Variants in TOR1AIP1 observed in about 807,000 individuals in gnomAD.
TOR1AIP1 encodes the protein torsin-1A-interacting protein 1.
A neutral mutation model predicts 63.3 loss-of-function variants in TOR1AIP1; 54 were observed. The observed-to-expected ratio is 0.85, with a 90% CI of 0.69 to 1.07. TOR1AIP1 has a LOEUF of 1.07. Among genes scored for constraint, TOR1AIP1 ranks in the 50% least tolerant of loss-of-function variants. TOR1AIP1 has a pLI of 0.00. For synonymous variants in TOR1AIP1, 294 were observed against 273.5 expected (o/e 1.07, Z -0.74); for missense variants, 736 against 715.0 (o/e 1.03, Z -0.33).
chr1:179,907,607 ATATATATATATGTATATATATG>A (rs1457283227), intron 6 of TOR1AIP1, among the ~76,000 whole-genome samples, 194 bp from the exon 7 acceptor site: 1 of 23,100 alleles, frequency 4.3e-5, no homozygotes, highest in Non-Finnish European at 1.1e-4. Context: ...ATATATATAT[ATATATATATATGTATATATATG>A]TATATATATA....
chr1:179,884,608 A>G (rs1171179969), intron 1 of TOR1AIP1, 84 bp from the exon 2 acceptor site: 2 of 1,172,702 alleles, frequency 1.7e-6, no homozygotes, highest in African/African-American at 1.6e-5. Flanking sequence ...TTGCTTATGT[A>G]TTGTTACAAA....
chr1:179,889,196 A>T (rs978554186), intron 2 of TOR1AIP1, 117 bp from the exon 3 acceptor site: 20 of 679,102 alleles, frequency 2.9e-5, no homozygotes, highest in Admixed American at 1.2e-4. Flanking sequence ...CTACTTCTCT[A>T]GCGTAAATAA....
intron 9 of TOR1AIP1, among the ~76,000 whole-genome samples, chr1:179,917,178 C>T (rs1649046852): frequency 6.6e-6 from 1 of 151,988 alleles, no homozygotes; most frequent in Admixed American, 6.6e-5. Context: ...TTGTTTATGC[C>T]ATTTCATATG....
rs1266408949 is a variant in TOR1AIP1 at position 179,907,833 on chromosome 1, C to G, written c.807C>G (p.Phe269Leu). The change falls in exon 7 of 10, where the codon TTC becomes TTG. Residue 269 changes from phenylalanine to leucine, a missense_variant. By Grantham distance (22) the Phe-to-Leu change is conservative. This residue lies in a region of TOR1AIP1 where 464 missense variants were observed against 371.0 expected (regional missense o/e 1.25). Transcript: ENST00000606911. ...TGTTTTCTGTTTCAGGTCAAAACTT[C>G]ACAGCTCATGATAAGCAACCTTCAG... ...SFWQSSQSQNFTAHDKQPSVL... is the reference protein window; with the variant it reads ...SFWQSSQSQNLTAHDKQPSVL... The G allele has an allele frequency of 6.3e-7, 1 of 1,585,678 alleles. No individual in the cohort carries two copies. Among genetic ancestry groups the G allele is most frequent in the South Asian group, 1.1e-5 (1 of 87,486 alleles).
At chr1:179,909,515 A>G (rs769588076) in intron 8 of TOR1AIP1, among the ~76,000 whole-genome samples, 5 of 151,990 alleles carry the variant, frequency 3.3e-5, no homozygotes, top group Non-Finnish European at 7.4e-5. Flanking sequence ...GGTTCAAGCA[A>G]TTCTCCTGCC....
chr1:179,886,519 C>T (rs927785369), intron 2 of TOR1AIP1, among the ~76,000 whole-genome samples: 3 of 152,098 alleles, frequency 2.0e-5, no homozygotes, highest in Non-Finnish European at 4.4e-5. Flanking sequence ...TGAGATAGTA[C>T]ATTTGAAATC....
At position 179,901,992 on chromosome 1, in the gene TOR1AIP1, C is replaced by T. The variant is rs190677804; in HGVS notation, c.739+604C>T. ...TAGTCCTGCACTTTCCCTTCACCAC[C>T]TCCTTAAAATTTCTGTAATTCCAAT... is the stretch of plus-strand genomic sequence containing the variant. On this transcript the variant is annotated intron_variant, in intron 5 of 9. Coordinates refer to ENST00000606911, the MANE Select transcript of TOR1AIP1 (RefSeq NM_015602.4). Among the ~76,000 whole-genome samples the T allele has an allele frequency of 4.6e-5, 7 of 151,024 alleles. No individual in the cohort carries two copies. In the East Asian group the frequency reaches 1.4e-3, roughly 29 times the overall value.
intron 6 of TOR1AIP1, among the ~76,000 whole-genome samples, chr1:179,905,058 C>T (rs1648585460): frequency 6.6e-6 from 1 of 151,526 alleles, no homozygotes; most frequent in South Asian, 2.1e-4. Flanking sequence ...TTTTTTCTTC[C>T]ACATTACTTT....
In TOR1AIP1 at chr1:179,884,767, CAGGTAAGAAT is replaced by C. The variant is rs750028739; in HGVS notation, c.553+1_553+10del. 13 of 1,605,658 alleles carry C rather than the reference CAGGTAAGAAT, an allele frequency of 8.1e-6. No individual in the cohort carries two copies. The highest frequency in any genetic ancestry group is 1.3e-5 in the African/African-American group (1 of 74,344). ...ACTGTCAGGAGCATACAAGAGGCTC[CAGGTAAGAAT>C]AGTTAACTTTTTGTTTTTCTCCTTA... is the stretch of plus-strand genomic sequence containing the variant. On this transcript the variant is annotated splice_donor_variant and splice_donor_5th_base_variant and coding_sequence_variant and intron_variant, in exon 2 of 10. Coordinates refer to ENST00000606911, the MANE Select transcript of TOR1AIP1 (RefSeq NM_015602.4). LOFTEE classifies it high-confidence loss of function.
At chr1:179,916,290 C>G (rs547182014) in intron 9 of TOR1AIP1, among the ~76,000 whole-genome samples, 1 of 152,302 alleles carries the variant, frequency 6.6e-6, no homozygotes, top group East Asian at 1.9e-4. Flanking sequence ...AGGTGAAAGT[C>G]AAATAACATC....
chr1:179,914,743 G>A (rs1371913244), intron 9 of TOR1AIP1, among the ~76,000 whole-genome samples: 3 of 151,182 alleles, frequency 2.0e-5, no homozygotes, highest in East Asian at 3.9e-4. Context: ...GCAGTGAGCC[G>A]AGATTGTGCC....
chr1:179,882,896 C>G lies in TOR1AIP1; in HGVS notation c.394C>G (p.Gln132Glu), dbSNP rs1364360813. The change falls in exon 1 of 10, where the codon CAG becomes GAG. Residue 132 changes from glutamine to glutamate, a missense_variant. By Grantham distance (29) the Gln-to-Glu change is conservative. Around this residue, in one of 2 missense-constraint regions of TOR1AIP1, gnomAD observed 464 missense variants for 371.0 expected, o/e 1.25. Coordinates refer to ENST00000606911, the MANE Select transcript of TOR1AIP1 (RefSeq NM_015602.4). ...MKTRRTTRLQ[Q>E]QHSEQPPLQP... ...GACGCGAAGGACTACCCGCCTTCAGCAGCAGCACTCAGAGCAGCCTCCGCT... is the reference window on the plus strand; with the variant it reads ...GACGCGAAGGACTACCCGCCTTCAGGAGCAGCACTCAGAGCAGCCTCCGCT... 3 of 1,614,146 alleles carry G rather than the reference C, an allele frequency of 1.9e-6. No individual in the cohort carries two copies. In the Admixed American group the frequency reaches 5.0e-5, roughly 27 times the overall value.
At chr1:179,886,981 A>G (rs955144946) in intron 2 of TOR1AIP1, among the ~76,000 whole-genome samples, 2 of 152,250 alleles carry the variant, frequency 1.3e-5, no homozygotes, top group African/African-American at 4.8e-5. Context: ...TAAGGTAAAG[A>G]TAAGCCCTTC....
In TOR1AIP1 at chr1:179,882,385, C is replaced by T. The variant is rs915296222; in HGVS notation, c.-118C>T. 6.5e-6 allele frequency: 7 copies of T among 1,084,156 alleles called. No homozygotes were observed. Among genetic ancestry groups the T allele is most frequent in the Non-Finnish European group, 8.6e-6 (7 of 815,964 alleles). The allele number at this position is 1,084,156 out of a possible 1,614,324, so 67.2% of individuals were successfully genotyped here. A position where few individuals can be genotyped will look rare whatever the true frequency, so the allele number is the denominator to read the frequency against. On this transcript the variant is annotated 5_prime_UTR_variant, in exon 1 of 10. Transcript: ENST00000606911. Reference sequence around the variant, plus strand: ...CGGCGGCCCCAGCGACTCGCAACTGCCTCCCTGACCACAGCGGCCACCGCC... The same window carrying T: ...CGGCGGCCCCAGCGACTCGCAACTGTCTCCCTGACCACAGCGGCCACCGCC...
chr1:179,901,191 G>A (rs1648454154), intron 4 of TOR1AIP1, 111 bp from the exon 5 acceptor site: 1 of 596,992 alleles, frequency 1.7e-6, no homozygotes, highest in Non-Finnish European at 2.7e-6. Flanking sequence ...TTCTATATCT[G>A]ATAACTTAAA....
intron 7 of TOR1AIP1, among the ~76,000 whole-genome samples, chr1:179,908,322 A>G (rs1164306002): frequency 6.6e-6 from 1 of 152,190 alleles, no homozygotes; most frequent in African/African-American, 2.4e-5. Context: ...ACTACCTATA[A>G]TAATTACTCT....
At chr1:179,889,405 A>G (rs1323114442) in intron 3 of TOR1AIP1, 36 bp downstream of exon 3, 4 of 1,533,176 alleles carry the variant, frequency 2.6e-6, no homozygotes, top group Admixed American at 3.5e-5. Context: ...TACCTTTGTT[A>G]TAAATACAGT....
chr1:179,916,129 A>G (rs529365027), intron 9 of TOR1AIP1, among the ~76,000 whole-genome samples: 2 of 152,334 alleles, frequency 1.3e-5, no homozygotes, highest in Admixed American at 6.5e-5. Context: ...AAGTAAAAGA[A>G]TGTCCCTTTG....
intron 3 of TOR1AIP1, among the ~76,000 whole-genome samples, chr1:179,896,403 C>G (rs1456522422): frequency 6.6e-6 from 1 of 151,954 alleles, no homozygotes; most frequent in Non-Finnish European, 1.5e-5. Flanking sequence ...AGCCACCATG[C>G]CCAGCCAAAC....
Sources: allele counts gnomAD v4.1 joint callset (sites outside exome capture counted in the v4.1 genomes callset), GRCh38; gene constraint gnomAD v4.1.1; regional missense constraint gnomAD v4.1.1; transcripts MANE v1.5; gene names NCBI Gene and HGNC (gene_info 2026-07-23, HGNC 2026-07-21).